Variants in HGFAC observed in about 807,000 individuals in gnomAD.
The protein encoded by HGFAC is HGF activator.
A neutral mutation model predicts 70.6 loss-of-function variants in HGFAC; 76 were observed. The observed-to-expected ratio is 1.08, with a 90% CI of 0.89 to 1.30. The LOEUF (loss-of-function observed/expected upper bound fraction) is 1.30, where lower values mean the gene tolerates loss of function less well. Among genes scored for constraint, HGFAC ranks in the 50% most tolerant of loss-of-function variants. HGFAC has a pLI of 0.00. For missense variants in HGFAC, 1,044 were observed against 933.7 expected, an observed-to-expected ratio of 1.12 and a Z score of -1.54; for synonymous variants, 464 against 405.3, an observed-to-expected ratio of 1.14 and a Z score of -1.74.
Position 3,444,497 on chromosome 4 carries a change from CA to C in HGFAC, c.730+56del. The C allele has an allele frequency of 6.5e-6, 10 of 1,533,942 alleles. No homozygotes were observed. The South Asian group carries it at 1.1e-4, about 18-fold the overall frequency. ...GACCCCTGACGGGTGTCCCTGTCCA[CA>C]CCCGAGTGGGAGGAATGGCCTGAGG... On this transcript the variant is annotated intron_variant, in intron 6 of 13. Transcript: ENST00000382774.
In HGFAC at chr4:3,445,004, CGCCGCTCCAG is replaced by C. The variant is rs1725452456; in HGVS notation, c.1016+17_1016+26del. 6.4e-7 allele frequency: 1 copy of C among 1,560,696 alleles called. No homozygotes were observed. Among genetic ancestry groups the C allele is most frequent in the African/African-American group, 1.4e-5 (1 of 73,534 alleles). On this transcript the variant is annotated intron_variant, in intron 8 of 13. Coordinates refer to ENST00000382774, the MANE Select transcript of HGFAC (RefSeq NM_001528.4). ...CCATGCCTACTGCCGGTCAGCACCACGCCGCTCCAGGCCGCCGCATGCGGGGCAGGCAGGA... is the reference window on the plus strand; with the variant it reads ...CCATGCCTACTGCCGGTCAGCACCACGCCGCCGCATGCGGGGCAGGCAGGA...
rs367885540 is a variant in HGFAC, at chr4:3,446,081, C to A, written c.1142C>A (p.Ala381Glu). The A allele has an allele frequency of 1.9e-6, 3 of 1,609,390 alleles. No homozygotes were observed. The highest frequency in any genetic ancestry group is 2.5e-6 in the Non-Finnish European group (3 of 1,178,486). The change falls in exon 10 of 14, where the codon GCG becomes GAG. Residue 381 changes from alanine (A) to glutamate (E), a missense_variant. Ala to Glu is a moderately radical substitution (Grantham distance 107, BLOSUM62 -1). Transcript: ENST00000382774. Reference sequence around the variant, plus strand: ...GTCCAACTGTCACCGGATCTCCTGGCGACCCTGCCTGAGCCAGCCTCCCCG... The same window carrying A: ...GTCCAACTGTCACCGGATCTCCTGGAGACCCTGCCTGAGCCAGCCTCCCCG... ...TRVQLSPDLLATLPEPASPGR... is the reference protein window; with the variant it reads ...TRVQLSPDLLETLPEPASPGR...
In HGFAC at chr4:3,447,947, C is replaced by A; in HGVS notation, c.1548C>A (p.Phe516Leu). ...KGDRCATRSQ[F>L]VQPICLPEPG... is the part of the protein sequence containing the mutation. ...ACCGCTGTGCCACACGCTCGCAGTTCGTGCAGCCCATCTGCCTGCCCGAGC... is the reference window on the plus strand; with the variant it reads ...ACCGCTGTGCCACACGCTCGCAGTTAGTGCAGCCCATCTGCCTGCCCGAGC... The change falls in exon 12 of 14, where the codon TTC becomes TTA. Residue 516 changes from phenylalanine to leucine, a missense_variant. Physicochemically the swap from Phe to Leu is conservative, Grantham distance 22. Coordinates refer to ENST00000382774, the MANE Select transcript of HGFAC (RefSeq NM_001528.4). 6.2e-7 allele frequency: 1 copy of A among 1,605,288 alleles called. No individual in the cohort carries two copies. The highest frequency in any genetic ancestry group is 8.5e-7 in the Non-Finnish European group (1 of 1,176,630).
intron 13 of HGFAC, 129 bp downstream of exon 13, chr4:3,448,405 C>A (rs1267167995): frequency 9.5e-6 from 11 of 1,160,780 alleles, no homozygotes; most frequent in Admixed American, 2.5e-5. Flanking sequence ...AGCCAGGGAC[C>A]CCTGGGCAGG....
rs1042489855 is a variant in HGFAC, at chr4:3,446,544, AC to A, written c.1355+253del. Among the ~76,000 whole-genome samples the A allele has an allele frequency of 5.2e-4, 79 of 152,156 alleles. 1 individual carries two copies. The highest frequency in any genetic ancestry group is 1.8e-3 in the African/African-American group (74 of 41,524). On this transcript the variant is annotated intron_variant, in intron 10 of 13. Transcript: ENST00000382774. The stretch of plus-strand genomic sequence containing the variant: ...GGGGTCAGTGGCATTTCCACAGAGG[AC>A]CCAGCGCCTGCGGAGAGTGCAGTGG...
intron 10 of HGFAC, among the ~76,000 whole-genome samples, chr4:3,447,186 TTGCAGCC>T (rs1725539019): frequency 1.3e-5 from 2 of 152,162 alleles, no homozygotes; most frequent in Non-Finnish European, 2.9e-5. Context: ...CGGGTCGGCC[TTGCAGCC>T]GATCCTGCCT....
In HGFAC at chr4:3,446,123, G is replaced by T. The variant is rs1272271786; in HGVS notation, c.1184G>T (p.Gly395Val). The T allele has an allele frequency of 3.1e-6, 5 of 1,611,418 alleles. No individual in the cohort carries two copies. Among genetic ancestry groups the T allele is most frequent in the Non-Finnish European group, 4.2e-6 (5 of 1,179,488 alleles). Residue 395 changes from glycine (G) to valine (V), a missense_variant, in exon 10 of 14, where the codon GGC becomes GTC. Transcript: ENST00000382774. ...EPASPGRQAC[G>V]RRHKKRTFLR... ...GCCTCCCCGGGGCGCCAGGCCTGCG[G>T]CAGGAGGCACAAGAAGAGGACGTTC...
chr4:3,445,779 G>A, intron 9 of HGFAC: 1 of 1,203,174 alleles, frequency 8.3e-7, no homozygotes, highest in Admixed American at 2.0e-5. Context: ...TGGCTGTGGG[G>A]TTCCGGGCTG....
chr4:3,445,665 G>C, intron 9 of HGFAC: 2 of 606,292 alleles, frequency 3.3e-6, no homozygotes, highest in Non-Finnish European at 5.8e-6. Context: ...AGGCCCCCCA[G>C]AGGCCACCTG....
Position 3,449,473 on chromosome 4 carries a change from G to C in HGFAC, c.*54G>C, listed in dbSNP as rs1560195714. On this transcript the variant is annotated 3_prime_UTR_variant, in exon 14 of 14. Transcript: ENST00000382774. Reference sequence around the variant, plus strand: ...CATTCCCTGCCTTGCTGACAATAAAGATATTTCCAAGAACCCGGCCCACGC... The same window carrying C: ...CATTCCCTGCCTTGCTGACAATAAACATATTTCCAAGAACCCGGCCCACGC... 5.4e-6 allele frequency: 8 copies of C among 1,478,784 alleles called. No homozygotes were observed. In the Admixed American group the frequency reaches 9.5e-5, roughly 17 times the overall value. 91.6% of individuals were successfully genotyped at this position (1,478,784 alleles called of 1,614,324 possible).
chr4:3,444,791 GC>G (rs1458396026), intron 7 of HGFAC, 27 bp from the exon 8 acceptor site: 19 of 1,580,656 alleles, frequency 1.2e-5, no homozygotes, highest in Non-Finnish European at 1.6e-5. Flanking sequence ...CCCACCGTGG[GC>G]CGGCCTCACT....
chr4:3,444,488 C>T (rs1449052649), intron 6 of HGFAC, 46 bp downstream of exon 6: 7 of 1,545,296 alleles, frequency 4.5e-6, no homozygotes, highest in East Asian at 4.6e-5. Flanking sequence ...TGACGGGTGT[C>T]CCTGTCCACA....
At position 3,444,954 on chromosome 4, in the gene HGFAC, C is replaced by G. The variant is rs1169527963; in HGVS notation, c.977C>G (p.Ala326Gly). 7 of 1,606,558 alleles carry G rather than the reference C, an allele frequency of 4.4e-6. No homozygotes were observed. In the East Asian group the frequency reaches 1.6e-4, roughly 36 times the overall value. The change falls in exon 8 of 14, where the codon GCC becomes GGC. Residue 326 changes from alanine (A) to glycine (G), a missense_variant. Coordinates refer to ENST00000382774, the MANE Select transcript of HGFAC (RefSeq NM_001528.4). ...YQELHVDSVG[A>G]AALLGLGPHA... is the part of the protein sequence containing the mutation. Reference sequence around the variant, plus strand: ...GAGCTGCACGTGGACTCCGTGGGCGCCGCGGCCCTGCTGGGCCTGGGCCCC... The same window carrying G: ...GAGCTGCACGTGGACTCCGTGGGCGGCGCGGCCCTGCTGGGCCTGGGCCCC...
chr4:3,443,207 C>T (rs1725373650), intron 3 of HGFAC, 61 bp downstream of exon 3: 2 of 1,356,590 alleles, frequency 1.5e-6, no homozygotes, highest in Admixed American at 5.2e-5. Context: ...GCCTGCTTTT[C>T]TGGGAGCCGG....
intron 8 of HGFAC, 37 bp from the exon 9 acceptor site, chr4:3,445,228 G>A (rs1011242005): frequency 6.6e-7 from 1 of 1,511,290 alleles, no homozygotes; most frequent in Non-Finnish European, 9.0e-7. Flanking sequence ...TCGAGGGGCA[G>A]TGTGACTCCC....
In HGFAC at chr4:3,449,242, C is replaced by G. The variant is rs770428960; in HGVS notation, c.1791C>G (p.Asp597Glu). ...FDCKSDACQGDSGGPLACEKN... is the reference protein window; with the variant it reads ...FDCKSDACQGESGGPLACEKN... ...TGACCAACGTCTCTGCCCAGGGGGA[C>G]TCAGGGGGGCCCCTGGCCTGCGAGA... Residue 597 changes from aspartate (D) to glutamate (E), a missense_variant, in exon 14 of 14, where the codon GAC (aspartate) becomes GAG (glutamate). Asp to Glu is a conservative substitution (Grantham distance 45). Coordinates refer to ENST00000382774, the MANE Select transcript of HGFAC (RefSeq NM_001528.4). 1 of 1,611,666 alleles carries G rather than the reference C, an allele frequency of 6.2e-7. No homozygotes were observed. The highest frequency in any genetic ancestry group is 2.2e-5 in the East Asian group (1 of 44,832).
intron 10 of HGFAC, 114 bp downstream of exon 10, chr4:3,446,408 C>G: frequency 7.3e-7 from 1 of 1,377,652 alleles, no homozygotes; most frequent in Non-Finnish European, 9.7e-7. Flanking sequence ...TCTGCTGACC[C>G]CTTCCCGGGG....
In HGFAC at chr4:3,444,706, G is replaced by C. The variant is rs866064542; in HGVS notation, c.814G>C (p.Gly272Arg). 1.3e-6 allele frequency: 2 copies of C among 1,596,474 alleles called. No homozygotes were observed. The highest frequency in any genetic ancestry group is 1.7e-5 in the Admixed American group (1 of 59,472). The change falls in exon 7 of 14, where the codon GGC (glycine) becomes CGC (arginine). Residue 272 changes from glycine to arginine, a missense_variant. Gly to Arg is a moderately radical substitution (Grantham distance 125). Transcript: ENST00000382774. ...GACCACCGTGTGTGCCTGCCCACCA[G>C]GCTTCGCTGGACGGCTCTGCAACAT... is the stretch of plus-strand genomic sequence containing the variant. ...TGTTVCACPP[G>R]FAGRLCNIEP... is the part of the protein sequence containing the mutation.
chr4:3,444,089 TC>T lies in HGFAC; in HGVS notation c.528del (p.Asn177IlefsTer70), dbSNP rs1725404003. The T allele has an allele frequency of 3.1e-6, 5 of 1,611,990 alleles. No individual in the cohort carries two copies. Among genetic ancestry groups the T allele is most frequent in the Non-Finnish European group, 3.4e-6 (4 of 1,179,640 alleles). The part of the protein sequence containing the change: ...SGPCLNGGSC[S>X]NTQDPQSYHC... Reference sequence around the variant, plus strand: ...CCCCTGCCTCAATGGAGGCTCCTGCTCCAATACCCAGGACCCCCAGTCCTAT... The same window carrying T: ...CCCCTGCCTCAATGGAGGCTCCTGCTCAATACCCAGGACCCCCAGTCCTAT... On this transcript the variant is annotated frameshift_variant, in exon 5 of 14. Transcript: ENST00000382774. LOFTEE classifies it high-confidence loss of function.
Sources: allele counts gnomAD v4.1 joint callset (sites outside exome capture counted in the v4.1 genomes callset), GRCh38; gene constraint gnomAD v4.1.1; transcripts MANE v1.5; gene names NCBI Gene and HGNC (gene_info 2026-07-23, HGNC 2026-07-21).